GRM4: variants seen among roughly 807,000 people sequenced by gnomAD.
GRM4 encodes metabotropic glutamate receptor 4.
GRM4 carries 28 observed loss-of-function variants against 81.7 expected under a neutral mutation model. The observed-to-expected ratio is 0.34, with a 90% CI of 0.25 to 0.47. The LOEUF (loss-of-function observed/expected upper bound fraction) is 0.47. Among genes scored for constraint, GRM4 ranks in the 20% least tolerant of loss-of-function variants. The pLI, the probability that GRM4 is intolerant of heterozygous loss-of-function variation, is 1.00. For synonymous variants in GRM4, 488 were observed against 528.8 expected (o/e 0.92, Z 1.06); for missense variants, 948 against 1,290.0 (o/e 0.73, Z 4.06).
At chr6:34,055,045 A>T (rs1765801488) in intron 6 of GRM4, 1 of 151,894 alleles carries the variant, frequency 6.6e-6, no homozygotes, top group African/African-American at 2.4e-5. Context: ...GGTCTCTCTG[A>T]CTCTCCATAT....
intron 6 of GRM4, among the ~76,000 whole-genome samples, chr6:34,053,830 T>C (rs1765729672): frequency 6.6e-6 from 1 of 152,188 alleles, no homozygotes; most frequent in Admixed American, 6.5e-5. Context: ...TGAACAAAGC[T>C]TGGAAACCAC....
intron 6 of GRM4, among the ~76,000 whole-genome samples, chr6:34,044,157 C>CACAT (rs1326204272): frequency 1.5e-5 from 2 of 137,116 alleles, no homozygotes; most frequent in African/African-American, 6.2e-5. Flanking sequence ...CACATATATA[C>CACAT]ACATACACAC....
chr6:34,093,755 G>A (rs915486841), intron 2 of GRM4, among the ~76,000 whole-genome samples: 1 of 152,170 alleles, frequency 6.6e-6, no homozygotes, highest in South Asian at 2.1e-4. Flanking sequence ...CCAAAAGCAT[G>A]GCCCAGCTCG....
In GRM4 at chr6:34,069,782, A is replaced by T. The variant is rs1440527503; in HGVS notation, c.737-7754T>A. ...AACATCCAGGACTGCCCCAGTCCCC[A>T]CCAGGATCCACCCATCTGGCCACGT... On this transcript the variant is annotated intron_variant, in intron 3 of 10. Coordinates refer to ENST00000538487, the MANE Select transcript of GRM4 (RefSeq NM_000841.4). The surrounding 1 kb of genome is among the most constrained non-coding windows in gnomAD (Gnocchi z 6.4). 6.6e-6 allele frequency among the ~76,000 whole-genome samples: 1 copy of T among 151,862 alleles called. No homozygotes were observed. Among genetic ancestry groups the T allele is most frequent in the Non-Finnish European group, 1.5e-5 (1 of 67,988 alleles).
At chr6:34,028,977 G>T (rs995119084) in intron 9 of GRM4, among the ~76,000 whole-genome samples, 1 of 152,196 alleles carries the variant, frequency 6.6e-6, no homozygotes, top group Admixed American at 6.5e-5. Context: ...TTTCATGCTC[G>T]CTCGCCAGCA....
chr6:34,133,158 G>A lies in GRM4; in HGVS notation c.339C>T (p.Thr113=). 1 of 1,614,044 alleles carries A rather than the reference G, an allele frequency of 6.2e-7. No individual in the cohort carries two copies. The highest frequency in any genetic ancestry group is 8.5e-7 in the Non-Finnish European group (1 of 1,179,904). The change falls in exon 2 of 11, where the codon ACC becomes ACT. Residue 113 remains threonine, a synonymous_variant. Coordinates refer to ENST00000538487, the MANE Select transcript of GRM4 (RefSeq NM_000841.4). The surrounding 1 kb of genome is among the most constrained non-coding windows in gnomAD (Gnocchi z 6.5). The stretch of plus-strand genomic sequence containing the variant: ...AGGTCAGCGACTGCTCGAGGGCATG[G>A]GTGTCCCTGGAGCAGGTGTCCAGAA... ...ARILDTCSRD[T]HALEQSLTFV...
rs749028832 is a variant in GRM4, at chr6:34,040,536, C to T, written c.1369+12G>A. The T allele has an allele frequency of 3.1e-6, 5 of 1,608,802 alleles. No individual in the cohort carries two copies. Among genetic ancestry groups the T allele is most frequent in the Admixed American group, 1.7e-5 (1 of 59,546 alleles). ...TACCCAGGGTCAGGCACAGTCCGCA[C>T]CACACCCCCACCTGAGAAGTTGACG... On this transcript the variant is annotated intron_variant, in intron 7 of 10. Transcript: ENST00000538487.
chr6:34,103,973 G>T, intron 2 of GRM4: 1 of 577,398 alleles, frequency 1.7e-6, no homozygotes, highest in Non-Finnish European at 2.5e-6. Flanking sequence ...AGGGGCTCAT[G>T]CACAGCCTCC....
At chr6:34,134,750 G>A (rs907885178) in intron 1 of GRM4, among the ~76,000 whole-genome samples, 1 of 151,198 alleles carries the variant, frequency 6.6e-6, no homozygotes, top group Non-Finnish European at 1.5e-5. Context: ...CTCCCTCTGA[G>A]AGCGGGGCTC....
rs1264468974 is a variant in GRM4 at position 34,080,886 on chromosome 6, A to G, written c.736+10997T>C. Among the ~76,000 whole-genome samples the G allele has an allele frequency of 2.0e-5, 3 of 151,342 alleles. No homozygotes were observed. The highest frequency in any genetic ancestry group is 7.3e-5 in the African/African-American group (3 of 41,068). The stretch of plus-strand genomic sequence containing the variant: ...CACATACATATACACACACACACAC[A>G]CACAACCCTTACCATGCCAAGGTCT... On this transcript the variant is annotated intron_variant, in intron 3 of 10. Coordinates refer to ENST00000538487, the MANE Select transcript of GRM4 (RefSeq NM_000841.4). The surrounding 1 kb of genome is among the most constrained non-coding windows in gnomAD (Gnocchi z 5.4).
chr6:34,118,060 G>C (rs760106308), intron 2 of GRM4, among the ~76,000 whole-genome samples: 5 of 152,176 alleles, frequency 3.3e-5, no homozygotes, highest in Admixed American at 3.3e-4. Context: ...TAGATGCTGT[G>C]ATCTCAATTT....
chr6:34,035,851 G>C lies in GRM4; in HGVS notation c.2259C>G (p.Leu753=). The stretch of plus-strand genomic sequence containing the variant: ...GCATGCTGTAGCCCAGCAGGCAGAT[G>C]AGCGACAGGTCCGAGATGTCACACT... The part of the protein sequence containing the change: ...VLKCDISDLS[L]ICLLGYSMLL... Residue 753 remains leucine, a synonymous_variant, in exon 9 of 11, where the codon CTC becomes CTG. Coordinates refer to ENST00000538487, the MANE Select transcript of GRM4 (RefSeq NM_000841.4). The surrounding 1 kb of genome is among the most constrained non-coding windows in gnomAD (Gnocchi z 6.6). 6.2e-7 allele frequency: 1 copy of C among 1,612,388 alleles called. No individual in the cohort carries two copies. Among genetic ancestry groups the C allele is most frequent in the Non-Finnish European group, 8.5e-7 (1 of 1,178,546 alleles).
At chr6:34,098,258 A>G (rs959646065) in intron 2 of GRM4, among the ~76,000 whole-genome samples, 2 of 152,228 alleles carry the variant, frequency 1.3e-5, no homozygotes, top group Non-Finnish European at 2.9e-5. Flanking sequence ...CATTTTGTAG[A>G]TGAGGAAGCT....
rs539458834 is a variant in GRM4 at position 34,070,450 on chromosome 6, G to A, written c.737-8422C>T. ...TGTGCAAAGGCACCGGGTCACAAGG[G>A]CCCTGCCTGAAGACAGGTGACTCAG... is the stretch of plus-strand genomic sequence containing the variant. On this transcript the variant is annotated intron_variant, in intron 3 of 10. Coordinates refer to ENST00000538487, the MANE Select transcript of GRM4 (RefSeq NM_000841.4). This position sits in a 1 kb window ranked among gnomAD's most constrained non-coding sequence, Gnocchi z 4.6. 5.9e-4 allele frequency among the ~76,000 whole-genome samples: 90 copies of A among 152,220 alleles called. No individual in the cohort carries two copies. Among genetic ancestry groups the A allele is most frequent in the African/African-American group, 2.1e-3 (87 of 41,522 alleles).
chr6:34,019,450 G>C lies in GRM4; in HGVS notation c.*3371C>G, dbSNP rs1176168634. On this transcript the variant is annotated 3_prime_UTR_variant, in exon 11 of 11. Transcript: ENST00000538487. The stretch of plus-strand genomic sequence containing the variant: ...GTCTGGTGCCACTCTTGGCCCACTT[G>C]ACTGCACGGCCCATCTGCTGGGGAG... The C allele has an allele frequency of 2.0e-5, 3 of 152,100 alleles. No homozygotes were observed. The highest frequency in any genetic ancestry group is 7.3e-5 in the African/African-American group (3 of 41,306). 9.4% of individuals were successfully genotyped at this position (152,100 alleles called of 1,614,324 possible). A position where few individuals can be genotyped will look rare whatever the true frequency, so the allele number is the denominator to read the frequency against.
chr6:34,134,761 G>A (rs973359206), intron 1 of GRM4, among the ~76,000 whole-genome samples: 4 of 151,076 alleles, frequency 2.6e-5, no homozygotes, highest in African/African-American at 7.3e-5. Context: ...AGCGGGGCTC[G>A]GGTTATGGCC....
At position 34,036,088 on chromosome 6, in the gene GRM4, G is replaced by A; in HGVS notation, c.2022C>T (p.Thr674=). The change falls in exon 9 of 11, where the codon ACC becomes ACT. Residue 674 remains threonine (T), a synonymous_variant. Coordinates refer to ENST00000538487, the MANE Select transcript of GRM4 (RefSeq NM_000841.4). The surrounding 1 kb of genome is among the most constrained non-coding windows in gnomAD (Gnocchi z 9.0). ...GCTCGAAGATGCGGTAGATGCGGTT[G>A]GTCTTGGTGAGCAGGGCTGCATAGC... ...SISYAALLTK[T]NRIYRIFEQG... 6.2e-7 allele frequency: 1 copy of A among 1,614,228 alleles called. No individual in the cohort carries two copies. The highest frequency in any genetic ancestry group is 8.5e-7 in the Non-Finnish European group (1 of 1,180,042).
intron 1 of GRM4, among the ~76,000 whole-genome samples, chr6:34,139,474 C>T (rs1229898365): frequency 1.3e-5 from 2 of 152,238 alleles, no homozygotes; most frequent in East Asian, 3.9e-4. Flanking sequence ...GTGAAGCTCT[C>T]CCTTCAAGAA....
At position 34,064,334 on chromosome 6, in the gene GRM4, A is replaced by T. The variant is rs1766338222; in HGVS notation, c.737-2306T>A. ...AGGCCAGTGTAATCACCATATCTCCAATTTATAAATGAAGAAATTGAGGCA... is the reference window on the plus strand; with the variant it reads ...AGGCCAGTGTAATCACCATATCTCCTATTTATAAATGAAGAAATTGAGGCA... On this transcript the variant is annotated intron_variant, in intron 3 of 10. Coordinates refer to ENST00000538487, the MANE Select transcript of GRM4 (RefSeq NM_000841.4). This position sits in a 1 kb window ranked among gnomAD's most constrained non-coding sequence, Gnocchi z 4.4. Among the ~76,000 whole-genome samples the T allele has an allele frequency of 6.6e-6, 1 of 152,204 alleles. No individual in the cohort carries two copies. The highest frequency in any genetic ancestry group is 1.5e-5 in the Non-Finnish European group (1 of 68,032).
Sources: gnomAD v4.1 joint callset for allele counts (sites outside exome capture counted in the v4.1 genomes callset) on GRCh38, gnomAD v4.1.1 for gene constraint, Gnocchi (gnomAD v3.1) non-coding constraint, MANE v1.5 for transcripts, NCBI Gene and HGNC (gene_info 2026-07-23, HGNC 2026-07-21) for gene names.